The following TRPC6 variants were observed in gnomAD, a reference collection of about 807,000 sequenced individuals.
TRPC6 encodes the protein transient receptor potential cation channel subfamily C member 6, also known as short transient receptor potential channel 6.
TRPC6 carries 55 observed loss-of-function variants against 90.7 expected under a neutral mutation model. That is an observed-to-expected ratio of 0.61 (90% CI 0.49 to 0.76). TRPC6 has a LOEUF of 0.76. Ranked by LOEUF, TRPC6 falls within the 30% of genes least tolerant of loss-of-function variation. The probability of loss-of-function intolerance (pLI) is 0.00; values close to 1 mark genes in which losing one functional copy is unlikely to be tolerated. For missense variants in TRPC6, 989 were observed against 1,122.7 expected, an observed-to-expected ratio of 0.88 and a Z score of 1.70; for synonymous variants, 393 against 393.0, an observed-to-expected ratio of 1.00 and a Z score of 0.00.
At position 101,582,244 on chromosome 11, in the gene TRPC6, C is replaced by G. The variant is rs1362162529; in HGVS notation, c.170+1090G>C. Among the ~76,000 whole-genome samples the G allele has an allele frequency of 3.3e-5, 5 of 152,288 alleles. No individual in the cohort carries two copies. In the East Asian group the frequency reaches 5.8e-4, roughly 18 times the overall value. ...CTTTACTGCGGCTCACCTCTTACTTCGAAAGGGCACCGCAGCAGGGCTTGA... is the reference window on the plus strand; with the variant it reads ...CTTTACTGCGGCTCACCTCTTACTTGGAAAGGGCACCGCAGCAGGGCTTGA... On this transcript the variant is annotated intron_variant, in intron 1 of 12. Coordinates refer to ENST00000344327, the MANE Select transcript of TRPC6 (RefSeq NM_004621.6).
At chr11:101,546,474 A>G (rs569033655) in intron 1 of TRPC6, among the ~76,000 whole-genome samples, 1 of 152,226 alleles carries the variant, frequency 6.6e-6, no homozygotes, top group African/African-American at 2.4e-5. Flanking sequence ...GTGAATAAAT[A>G]CATGCATAAG....
chr11:101,510,152 A>G (rs1472166031), intron 1 of TRPC6, among the ~76,000 whole-genome samples: 1 of 152,118 alleles, frequency 6.6e-6, no homozygotes. Flanking sequence ...AAAAGATTCT[A>G]CTTGTATTTT....
intron 8 of TRPC6, 59 bp from the exon 9 acceptor site, chr11:101,471,445 C>A: frequency 6.4e-7 from 1 of 1,568,802 alleles, no homozygotes; most frequent in East Asian, 2.2e-5. Context: ...TACTGGGATG[C>A]TTTTAACATT....
intron 1 of TRPC6, among the ~76,000 whole-genome samples, chr11:101,529,568 C>A (rs1473776858): frequency 6.6e-6 from 1 of 152,184 alleles, no homozygotes; most frequent in Admixed American, 6.5e-5. Context: ...ATAGATCGTC[C>A]TACAGAATTT....
At chr11:101,568,543 C>T (rs1861886315) in intron 1 of TRPC6, among the ~76,000 whole-genome samples, 1 of 152,072 alleles carries the variant, frequency 6.6e-6, no homozygotes, top group Non-Finnish European at 1.5e-5. Flanking sequence ...AGAATAGCAA[C>T]ACCAAGACAC....
chr11:101,526,703 A>G (rs1316996934), intron 1 of TRPC6, among the ~76,000 whole-genome samples: 1 of 151,756 alleles, frequency 6.6e-6, no homozygotes, highest in Admixed American at 6.6e-5. Flanking sequence ...TCTACTAAAA[A>G]TACACAAAAA....
intron 1 of TRPC6, among the ~76,000 whole-genome samples, chr11:101,517,975 T>C (rs2136770769): frequency 1.3e-5 from 2 of 152,346 alleles, no homozygotes; most frequent in African/African-American, 4.8e-5. Flanking sequence ...TTTGTTCCCA[T>C]TTATACTGTG....
At chr11:101,534,583 T>TA (rs201189266) in intron 1 of TRPC6, among the ~76,000 whole-genome samples, 2,217 of 145,626 alleles carry the variant, frequency 0.015, 57 homozygotes, top group African/African-American at 0.051. Flanking sequence ...GGAAGTTTAT[T>TA]AAAAAAAAAA....
At chr11:101,574,839 A>G (rs1862038368) in intron 1 of TRPC6, among the ~76,000 whole-genome samples, 2 of 151,938 alleles carry the variant, frequency 1.3e-5, no homozygotes, top group Non-Finnish European at 2.9e-5. Flanking sequence ...TCTTATTTTG[A>G]CTCCTAACTC....
chr11:101,492,025 G>C (rs1003740048), intron 2 of TRPC6, among the ~76,000 whole-genome samples: 1 of 151,646 alleles, frequency 6.6e-6, no homozygotes, highest in African/African-American at 2.4e-5. Context: ...ATTTTTAGTA[G>C]AGACGGGATT....
intron 1 of TRPC6, among the ~76,000 whole-genome samples, chr11:101,546,704 A>G (rs1043530014): frequency 6.6e-6 from 1 of 152,130 alleles, no homozygotes; most frequent in African/African-American, 2.4e-5. Flanking sequence ...AGTGGATTTC[A>G]AAAAAAGTGA....
chr11:101,579,801 G>A (rs1024859464), intron 1 of TRPC6, among the ~76,000 whole-genome samples: 3 of 152,054 alleles, frequency 2.0e-5, no homozygotes, highest in Non-Finnish European at 4.4e-5. Context: ...AGGGCACAGG[G>A]GTATCTCAGT....
chr11:101,468,958 C>G (rs927475506), intron 10 of TRPC6, among the ~76,000 whole-genome samples: 1 of 152,150 alleles, frequency 6.6e-6, no homozygotes. Context: ...AGTGAAGGAG[C>G]TGATAGATCT....
chr11:101,575,851 A>G (rs1030483974), intron 1 of TRPC6, among the ~76,000 whole-genome samples: 3 of 152,170 alleles, frequency 2.0e-5, no homozygotes, highest in African/African-American at 7.2e-5. Context: ...GCACAGCACA[A>G]GGAATGTTGG....
At chr11:101,462,000 A>AACTC (rs1859015215) in intron 10 of TRPC6, among the ~76,000 whole-genome samples, 1 of 152,140 alleles carries the variant, frequency 6.6e-6, no homozygotes, top group Admixed American at 6.6e-5. Context: ...CAAGTGAGGA[A>AACTC]ACTCACTTGG....
rs1858787777 is a variant in TRPC6, at chr11:101,452,593, A to G, written c.*362T>C. On this transcript the variant is annotated 3_prime_UTR_variant, in exon 13 of 13. Transcript: ENST00000344327. ...CAAGAAGGAACCTGAAATAAACTTC[A>G]GAGGAAAAACCGCATGGGGAGTAAC... The G allele has an allele frequency of 4.5e-6, 1 of 223,406 alleles. No homozygotes were observed. The highest frequency in any genetic ancestry group is 6.9e-5 in the South Asian group (1 of 14,502). 13.8% of individuals were successfully genotyped at this position (223,406 alleles called of 1,614,324 possible). A position where few individuals can be genotyped will look rare whatever the true frequency, so the allele number is the denominator to read the frequency against.
intron 1 of TRPC6, among the ~76,000 whole-genome samples, chr11:101,551,370 A>G (rs948520725): frequency 2.0e-5 from 3 of 152,054 alleles, no homozygotes; most frequent in Non-Finnish European, 4.4e-5. Context: ...GTAACAAAAT[A>G]TTTTTATAAA....
At chr11:101,533,787 T>G (rs990100892) in intron 1 of TRPC6, among the ~76,000 whole-genome samples, 1 of 152,218 alleles carries the variant, frequency 6.6e-6, no homozygotes, top group Admixed American at 6.5e-5. Flanking sequence ...CGCTTTCTGC[T>G]TAGGATTCCA....
At chr11:101,529,511 C>A (rs895031909) in intron 1 of TRPC6, among the ~76,000 whole-genome samples, 2 of 152,292 alleles carry the variant, frequency 1.3e-5, no homozygotes, top group Admixed American at 6.5e-5. Context: ...TGTTTTAATG[C>A]AGAATCATCT....
Sources: gnomAD v4.1 joint callset for allele counts (sites outside exome capture counted in the v4.1 genomes callset) on GRCh38, gnomAD v4.1.1 for gene constraint, MANE v1.5 for transcripts, NCBI Gene and HGNC (gene_info 2026-07-23, HGNC 2026-07-21) for gene names.